Variants in FBXO47 observed in about 807,000 individuals in gnomAD.
The protein encoded by FBXO47 is F-box only protein 47.
Under a neutral mutation model 53.9 loss-of-function variants are expected in FBXO47, and 34 were observed. That is an observed-to-expected ratio of 0.63 (90% confidence interval 0.48 to 0.84). FBXO47 has a LOEUF of 0.84. FBXO47 is among the 40% of genes least tolerant of loss of function. The pLI is 0.00. For missense variants in FBXO47, 485 were observed against 541.3 expected (o/e 0.90, Z 1.03); for synonymous variants, 165 against 181.6 (o/e 0.91, Z 0.73).
In FBXO47 at chr17:38,962,041, T is replaced by C; in HGVS notation, c.188A>G (p.Asp63Gly). 3 of 1,610,848 alleles carry C rather than the reference T, an allele frequency of 1.9e-6. No homozygotes were observed. The highest frequency in any genetic ancestry group is 1.7e-6 in the Non-Finnish European group (2 of 1,179,224). Residue 63 changes from aspartate (D) to glycine (G), a missense_variant, in exon 3 of 11, where the codon GAT becomes GGT. By Grantham distance (94) the Asp-to-Gly change is moderately conservative. Coordinates refer to ENST00000378079, the MANE Select transcript of FBXO47 (RefSeq NM_001008777.3). ...QIILKYLSVK[D>G]ISMLSMVSKT... ...GGACACCATGCTTAGCATGCTGATA[T>C]CCTTCACTACCAAAAGAAATATATA...
intron 1 of FBXO47, among the ~76,000 whole-genome samples, chr17:38,966,672 T>G (rs985126954): frequency 2.0e-5 from 3 of 152,112 alleles, no homozygotes; most frequent in Non-Finnish European, 2.9e-5. Flanking sequence ...ACATACATGT[T>G]TAAAATAAAT....
intron 3 of FBXO47, 98 bp from the exon 4 acceptor site, chr17:38,957,351 A>G (rs904988654): frequency 5.1e-6 from 4 of 777,924 alleles, no homozygotes; most frequent in African/African-American, 5.1e-5. Context: ...AGTATGGTAT[A>G]TCACAGTGGA....
Position 38,945,081 on chromosome 17 carries a change from A to AAGG in FBXO47, c.669_671dup (p.Leu224dup). 1 of 1,613,872 alleles carries AAGG rather than the reference A, an allele frequency of 6.2e-7. No homozygotes were observed. Among genetic ancestry groups the AAGG allele is most frequent in the Non-Finnish European group, 8.5e-7 (1 of 1,179,810 alleles). ...AATCACTTCGATGTGTCCAATGATC[A>AAGG]AGGAGGACATTCCTACAGAAGAGTC... On this transcript the variant is annotated inframe_insertion, in exon 7 of 11. Transcript: ENST00000378079.
chr17:38,965,011 A>T (rs779823249), intron 1 of FBXO47, among the ~76,000 whole-genome samples: 28 of 152,010 alleles, frequency 1.8e-4, no homozygotes, highest in Non-Finnish European at 3.2e-4. Context: ...TACCACACTC[A>T]GCTAATTTCT....
Position 38,961,884 on chromosome 17 carries a change from T to C in FBXO47, c.345A>G (p.Arg115=). The change falls in exon 3 of 11, where the codon AGA becomes AGG. Residue 115 remains arginine, a synonymous_variant. Coordinates refer to ENST00000378079, the MANE Select transcript of FBXO47 (RefSeq NM_001008777.3). ...RQDSAILEHY[R]SLGLLFKRCT... ...TCTCATTACATAAGTTACCTAGAGA[T>C]CTGTAGTGCTCCAGTATAGCAGAGT... The C allele has an allele frequency of 6.2e-7, 1 of 1,612,644 alleles. No individual in the cohort carries two copies. The highest frequency in any genetic ancestry group is 8.5e-7 in the Non-Finnish European group (1 of 1,179,624).
At chr17:38,946,065 AAT>A (rs912680897) in intron 6 of FBXO47, among the ~76,000 whole-genome samples, 1 of 128,936 alleles carries the variant, frequency 7.8e-6, no homozygotes, top group Admixed American at 8.9e-5. Flanking sequence ...TAAATACATA[AAT>A]ATATATTTAT....
At chr17:38,945,553 C>T (rs1904715143) in intron 6 of FBXO47, among the ~76,000 whole-genome samples, 1 of 152,070 alleles carries the variant, frequency 6.6e-6, no homozygotes, top group South Asian at 2.1e-4. Context: ...AATGCCAGCA[C>T]GTTGTGAAGC....
intron 3 of FBXO47, among the ~76,000 whole-genome samples, chr17:38,960,884 G>A (rs539289796): frequency 6.6e-6 from 1 of 151,824 alleles, no homozygotes. Context: ...TGCCTGCCTC[G>A]GCCTCTCAAA....
chr17:38,944,191 ATGTGT>A (rs1904636621), intron 7 of FBXO47, among the ~76,000 whole-genome samples: 10 of 133,704 alleles, frequency 7.5e-5, no homozygotes, highest in African/African-American at 2.9e-4. Flanking sequence ...CAAAAAAAAC[ATGTGT>A]GTGTGTGTGT....
chr17:38,956,286 A>T (rs961152291), intron 4 of FBXO47, among the ~76,000 whole-genome samples: 3 of 152,178 alleles, frequency 2.0e-5, no homozygotes, highest in Admixed American at 2.0e-4. Context: ...ACTCAATGCA[A>T]ATGCTGACAT....
At chr17:38,953,126 C>CACACACACACACACACAA (rs1491158146) in intron 5 of FBXO47, among the ~76,000 whole-genome samples, 1 of 24,458 alleles carries the variant, frequency 4.1e-5, no homozygotes, top group African/African-American at 2.0e-4. Flanking sequence ...AAAAAAAAAC[C>CACACACACACACACACAA]ACACACACAC....
chr17:38,945,565 G>A (rs1157183953), intron 6 of FBXO47, among the ~76,000 whole-genome samples: 1 of 152,006 alleles, frequency 6.6e-6, no homozygotes, highest in Non-Finnish European at 1.5e-5. Flanking sequence ...TTGTGAAGCC[G>A]AGGTGGGAGG....
intron 5 of FBXO47, among the ~76,000 whole-genome samples, chr17:38,954,280 A>C (rs565043918): frequency 1.3e-5 from 2 of 152,252 alleles, no homozygotes; most frequent in Non-Finnish European, 2.9e-5. Context: ...CCTGGGTGAC[A>C]GAGTAAGACT....
rs765581400 is a variant in FBXO47 at position 38,963,079 on chromosome 17, CAAGA to C, written c.-26-32_-26-29del. 222 of 1,334,388 alleles carry C rather than the reference CAAGA, an allele frequency of 1.7e-4. 1 individual carries two copies. Among genetic ancestry groups the C allele is most frequent in the Non-Finnish European group, 2.2e-4 (212 of 966,694 alleles). 82.7% of individuals were successfully genotyped at this position (1,334,388 alleles called of 1,614,324 possible). Reference sequence around the variant, plus strand: ...GGTCAGAAAAACAAAGTACAAGAGACAAGAAAGAAAGGAAATTAAAGCAAGAAAG... The same window carrying C: ...GGTCAGAAAAACAAAGTACAAGAGACAAGAAAGGAAATTAAAGCAAGAAAG... On this transcript the variant is annotated intron_variant, in intron 1 of 10. Coordinates refer to ENST00000378079, the MANE Select transcript of FBXO47 (RefSeq NM_001008777.3).
chr17:38,938,462 C>CT (rs57980928), intron 10 of FBXO47, 111 bp downstream of exon 10: 34,915 of 591,300 alleles, frequency 0.059, 78 homozygotes, highest in Middle Eastern at 0.069. Context: ...ATAGAAATAG[C>CT]TTTTTTTTTT....
At chr17:38,945,732 C>T (rs1054176276) in intron 6 of FBXO47, among the ~76,000 whole-genome samples, 2 of 151,570 alleles carry the variant, frequency 1.3e-5, no homozygotes, top group East Asian at 1.9e-4. Context: ...GTCAGGAGAT[C>T]GAGACCAACC....
chr17:38,967,090 A>C (rs1293460396), intron 1 of FBXO47, 139 bp downstream of exon 1: 1 of 152,148 alleles, frequency 6.6e-6, no homozygotes, highest in Admixed American at 6.6e-5. Flanking sequence ...ACATCTCCAA[A>C]GCCGCAAACT....
intron 6 of FBXO47, among the ~76,000 whole-genome samples, chr17:38,946,809 C>CATATAA (rs1354689751): frequency 5.4e-5 from 3 of 55,806 alleles, no homozygotes; most frequent in African/African-American, 1.8e-4. Context: ...GATATATAAA[C>CATATAA]ATATATAAAT....
chr17:38,954,109 A>T (rs528469623), intron 5 of FBXO47, among the ~76,000 whole-genome samples: 53 of 152,130 alleles, frequency 3.5e-4, no homozygotes, highest in Non-Finnish European at 6.9e-4. Flanking sequence ...CCTGACCAAC[A>T]TGGTGAAACC....
Sources: gnomAD v4.1 joint callset for allele counts (sites outside exome capture counted in the v4.1 genomes callset) on GRCh38, gnomAD v4.1.1 for gene constraint, MANE v1.5 for transcripts, NCBI Gene and HGNC (gene_info 2026-07-23, HGNC 2026-07-21) for gene names.